RBM43: variants seen among roughly 807,000 people sequenced by gnomAD.
The protein encoded by RBM43 is RNA-binding protein 43.
RBM43 carries 12 observed loss-of-function variants against 12.4 expected under a neutral mutation model. That is an observed-to-expected ratio of 0.97 (90% CI 0.62 to 1.57). RBM43 has a LOEUF of 1.57. Ranked by LOEUF, RBM43 falls within the 40% of genes most tolerant of loss-of-function variation. RBM43 has a pLI of 0.00. For synonymous variants in RBM43, 138 were observed against 145.7 expected (o/e 0.95, Z 0.38); for missense variants, 348 against 400.1 (o/e 0.87, Z 1.11).
intron 1 of RBM43, chr2:151,261,098 T>C: frequency 1.2e-6 from 1 of 853,728 alleles, no homozygotes; most frequent in Non-Finnish European, 1.7e-6. Context: ...CTCTAGCATT[T>C]CAGAGCAGGA....
chr2:151,251,999 T>A (rs1478128413), intron 3 of RBM43, among the ~76,000 whole-genome samples: 1 of 152,212 alleles, frequency 6.6e-6, no homozygotes, highest in Non-Finnish European at 1.5e-5. Flanking sequence ...CCAGGAGTCA[T>A]TCCTGCCCCC....
At position 151,251,269 on chromosome 2, in the gene RBM43, A is replaced by C. The variant is rs1260975555; in HGVS notation, c.711T>G (p.Tyr237Ter). ...FLYLKHKCGS[Y>*]ESTLKKFHIL... ...TGTGGAATTTTTTCAGTGTGCTTTC[A>C]TAAGATCCACACTTGTGTTTCAGGT... is the stretch of plus-strand genomic sequence containing the variant. Residue 237 changes from tyrosine to a stop codon, truncating the protein, a stop_gained, in exon 4 of 4, where the codon TAT (tyrosine) becomes TAG (stop). Transcript: ENST00000331426. LOFTEE classifies it low-confidence loss of function (END_TRUNC). The C allele has an allele frequency of 6.2e-7, 1 of 1,613,792 alleles. No homozygotes were observed. The highest frequency in any genetic ancestry group is 1.6e-4 in the Middle Eastern group (1 of 6,062).
In RBM43 at chr2:151,261,857, G is replaced by GA. The variant is rs796711042; in HGVS notation, c.-131dup. On this transcript the variant is annotated 5_prime_UTR_variant, in exon 1 of 4. Transcript: ENST00000331426. ...TTCCAGCTCCCTTGGAGGCTACGAA[G>GA]AAAAGGGCGGTCCTTCCACCCGATC... The GA allele has an allele frequency of 2.6e-5, 29 of 1,101,824 alleles. No homozygotes were observed. In the African/African-American group the frequency reaches 4.4e-4, roughly 17 times the overall value. The allele number at this position is 1,101,824 out of a possible 1,614,324, so 68.3% of individuals were successfully genotyped here. A position where few individuals can be genotyped will look rare whatever the true frequency, so the allele number is the denominator to read the frequency against.
chr2:151,260,114 C>G (rs995196899), intron 1 of RBM43, among the ~76,000 whole-genome samples: 3 of 151,342 alleles, frequency 2.0e-5, no homozygotes, highest in South Asian at 2.1e-4. Flanking sequence ...TCCGCTCCCC[C>G]CTCGGCCTCT....
chr2:151,256,972 A>G (rs1423854853), intron 1 of RBM43, among the ~76,000 whole-genome samples: 2 of 152,232 alleles, frequency 1.3e-5, no homozygotes, highest in African/African-American at 2.4e-5. Context: ...CAGAGTATCA[A>G]CTGCAAGTAG....
chr2:151,256,168 G>A (rs1682971063), intron 1 of RBM43, among the ~76,000 whole-genome samples: 1 of 151,848 alleles, frequency 6.6e-6, no homozygotes, highest in Non-Finnish European at 1.5e-5. Flanking sequence ...CACCATGTTG[G>A]CCAGGCTGGT....
intron 1 of RBM43, 96 bp from the exon 2 acceptor site, chr2:151,255,839 A>G: frequency 1.1e-6 from 1 of 910,514 alleles, no homozygotes; most frequent in Non-Finnish European, 1.7e-6. Flanking sequence ...TTATTCTATA[A>G]AAGTGCCGGT....
Position 151,255,739 on chromosome 2 carries a change from GA to G in RBM43, c.7del (p.Ser3GlnfsTer3). On this transcript the variant is annotated frameshift_variant, in exon 2 of 4. Transcript: ENST00000331426. LOFTEE classifies it high-confidence loss of function. Reference sequence around the variant, plus strand: ...TTTGGATTCCTTGACATTCAAAACTGATGCCTGTAAGAGAAACAGCAGGTTA... The same window carrying G: ...TTTGGATTCCTTGACATTCAAAACTGTGCCTGTAAGAGAAACAGCAGGTTA... MA[S>X]VLNVKESKAP... 1 of 1,609,786 alleles carries G rather than the reference GA, an allele frequency of 6.2e-7. No individual in the cohort carries two copies. Among genetic ancestry groups the G allele is most frequent in the Non-Finnish European group, 8.5e-7 (1 of 1,176,312 alleles).
intron 1 of RBM43, among the ~76,000 whole-genome samples, chr2:151,257,351 C>T (rs960927447): frequency 6.6e-6 from 1 of 152,106 alleles, no homozygotes; most frequent in Non-Finnish European, 1.5e-5. Flanking sequence ...CACACACACA[C>T]AGTGTCCTGT....
intron 1 of RBM43, among the ~76,000 whole-genome samples, chr2:151,256,867 G>T (rs768101186): frequency 7.3e-4 from 111 of 152,154 alleles, no homozygotes; most frequent in Non-Finnish European, 1.3e-3. Flanking sequence ...CATGGGGACT[G>T]CAGTGGAGTA....
chr2:151,260,373 G>A (rs1683031461), intron 1 of RBM43, among the ~76,000 whole-genome samples: 2 of 152,188 alleles, frequency 1.3e-5, no homozygotes, highest in African/African-American at 2.4e-5. Flanking sequence ...TTACAGGCGT[G>A]AGCCACCGTG....
Position 151,250,814 on chromosome 2 carries a change from G to T in RBM43, c.*92C>A. On this transcript the variant is annotated 3_prime_UTR_variant, in exon 4 of 4. Transcript: ENST00000331426. ...AAGAAGGATGACTATAAGGATTCAT[G>T]AGATACGGTGTGTAAAGCTAGCCTC... 2.3e-6 allele frequency: 2 copies of T among 852,794 alleles called. No individual in the cohort carries two copies. The highest frequency in any genetic ancestry group is 1.8e-5 in the South Asian group (1 of 55,728). The allele number at this position is 852,794 out of a possible 1,614,324, so 52.8% of individuals were successfully genotyped here.
In RBM43 at chr2:151,248,040, G is replaced by A. The variant is rs1464911179; in HGVS notation, c.*2866C>T. The A allele has an allele frequency of 1.3e-5, 2 of 152,100 alleles. No homozygotes were observed. Among genetic ancestry groups the A allele is most frequent in the Non-Finnish European group, 2.9e-5 (2 of 67,976 alleles). The allele number at this position is 152,100 out of a possible 1,614,324, so 9.4% of individuals were successfully genotyped here. A position where few individuals can be genotyped will look rare whatever the true frequency, so the allele number is the denominator to read the frequency against. On this transcript the variant is annotated 3_prime_UTR_variant, in exon 4 of 4. Transcript: ENST00000331426. ...ATGATTAGATGCAAATTATTTTTCT[G>A]ACAAAATGGGCTAAGGATAAGCTTT...
chr2:151,251,391 G>A lies in RBM43; in HGVS notation c.589C>T (p.Gln197Ter), dbSNP rs1682901174. The A allele has an allele frequency of 5.0e-6, 8 of 1,614,074 alleles. No homozygotes were observed. Among genetic ancestry groups the A allele is most frequent in the African/African-American group, 2.7e-5 (2 of 74,938 alleles). Residue 197 changes from glutamine to a stop codon, truncating the protein, a stop_gained, in exon 4 of 4, where the codon CAG becomes TAG. Transcript: ENST00000331426. LOFTEE classifies it low-confidence loss of function (END_TRUNC). ...GATGCCAAAGAGTTATTACTTCTCT[G>A]TAGATTCCTCTGGGGATTTTGTCTA... Reference protein sequence around the residue: ...WNRQNPQRNLQRSNNSLASVR... With the variant: ...WNRQNPQRNL
chr2:151,257,374 C>A (rs1303938031), intron 1 of RBM43, among the ~76,000 whole-genome samples: 1 of 152,138 alleles, frequency 6.6e-6, no homozygotes, highest in Non-Finnish European at 1.5e-5. Context: ...ATCCCAAGAG[C>A]CCCATAAAAT....
At position 151,250,964 on chromosome 2, in the gene RBM43, G is replaced by A; in HGVS notation, c.1016C>T (p.Ser339Phe). Residue 339 changes from serine (S) to phenylalanine (F), a missense_variant, in exon 4 of 4, where the codon TCT (serine) becomes TTT (phenylalanine). Physicochemically the swap from Ser to Phe is radical, Grantham distance 155. Coordinates refer to ENST00000331426, the MANE Select transcript of RBM43 (RefSeq NM_198557.3). Reference sequence around the variant, plus strand: ...CCCTTTTTTAAACAGGTAAGTGTCAGAAGAAGATCCTATAATGTCAATGTG... The same window carrying A: ...CCCTTTTTTAAACAGGTAAGTGTCAAAAGAAGATCCTATAATGTCAATGTG... ...RTHIDIIGSS[S>F]DTYLFKKGVM... is the part of the protein sequence containing the mutation. 6.2e-7 allele frequency: 1 copy of A among 1,610,234 alleles called. No individual in the cohort carries two copies. The highest frequency in any genetic ancestry group is 8.5e-7 in the Non-Finnish European group (1 of 1,178,200).
At position 151,255,671 on chromosome 2, in the gene RBM43, G is replaced by T. The variant is rs752720772; in HGVS notation, c.76C>A (p.Leu26Ile). 16 of 1,613,752 alleles carry T rather than the reference G, an allele frequency of 9.9e-6. No individual in the cohort carries two copies. Among genetic ancestry groups the T allele is most frequent in the Non-Finnish European group, 1.2e-5 (14 of 1,179,932 alleles). ...ACGGCCAATAATTGATCACTAAAAAGGTCAACTGGAAGACCAGCAACTACA... is the reference window on the plus strand; with the variant it reads ...ACGGCCAATAATTGATCACTAAAAATGTCAACTGGAAGACCAGCAACTACA... ...TVVVAGLPVD[L>I]FSDQLLAVLV... The change falls in exon 2 of 4, where the codon CTT becomes ATT. Residue 26 changes from leucine to isoleucine, a missense_variant. Leu to Ile is a conservative substitution (Grantham distance 5). Transcript: ENST00000331426.
intron 1 of RBM43, chr2:151,261,005 C>G (rs1683038565): frequency 4.7e-6 from 2 of 428,600 alleles, no homozygotes; most frequent in Admixed American, 7.2e-5. Context: ...TTGATTTTCT[C>G]AAAATCAGTT....
intron 3 of RBM43, 74 bp downstream of exon 3, chr2:151,252,681 G>T: frequency 7.7e-6 from 6 of 780,394 alleles, no homozygotes; most frequent in South Asian, 1.7e-5. Flanking sequence ...ACTTTGTGTC[G>T]CCTGCCATAA....
Sources: allele counts gnomAD v4.1 joint callset (sites outside exome capture counted in the v4.1 genomes callset), GRCh38; gene constraint gnomAD v4.1.1; transcripts MANE v1.5; gene names NCBI Gene and HGNC (gene_info 2026-07-23, HGNC 2026-07-21).